RIT2: variants seen among roughly 807,000 people sequenced by gnomAD.
The protein encoded by RIT2 is GTP-binding protein Rit2.
RIT2 carries 24 observed loss-of-function variants against 23.7 expected under a neutral mutation model. The observed-to-expected ratio is 1.01, with a 90% confidence interval of 0.73 to 1.43. The LOEUF (loss-of-function observed/expected upper bound fraction) is 1.43. Among genes scored for constraint, RIT2 ranks in the 40% most tolerant of loss-of-function variants. The pLI, the probability that RIT2 is intolerant of heterozygous loss-of-function variation, is 0.00. For synonymous variants in RIT2, 107 were observed against 91.1 expected (o/e 1.17, Z -0.99); for missense variants, 236 against 266.9 (o/e 0.88, Z 0.81).
At chr18:42,934,472 G>A (rs1208006410) in intron 3 of RIT2, among the ~76,000 whole-genome samples, 2 of 152,152 alleles carry the variant, frequency 1.3e-5, no homozygotes, top group Non-Finnish European at 2.9e-5. Context: ...GAGATAATGA[G>A]GATATTTGAG....
intron 1 of RIT2, among the ~76,000 whole-genome samples, chr18:43,053,436 G>A (rs956254081): frequency 2.6e-5 from 4 of 151,908 alleles, no homozygotes; most frequent in African/African-American, 7.3e-5. Context: ...ACCCCTTCAA[G>A]CAGCAACATA....
At chr18:43,011,958 G>A (rs1368378152) in intron 2 of RIT2, among the ~76,000 whole-genome samples, 1 of 151,782 alleles carries the variant, frequency 6.6e-6, no homozygotes, top group African/African-American at 2.4e-5. Flanking sequence ...AATTGAATAT[G>A]GTAAGATATT....
intron 1 of RIT2, among the ~76,000 whole-genome samples, chr18:43,079,307 T>G (rs532335509): frequency 6.6e-6 from 1 of 152,294 alleles, no homozygotes; most frequent in African/African-American, 2.4e-5. Flanking sequence ...TTTGGTTTTG[T>G]ACTAATAAGA....
At chr18:42,870,229 C>A (rs73471631) in intron 4 of RIT2, among the ~76,000 whole-genome samples, 3,866 of 152,254 alleles carry the variant, frequency 0.025, 163 homozygotes, top group African/African-American at 0.086. Flanking sequence ...CTTCCTAATA[C>A]TAGACTCAGT....
intron 2 of RIT2, among the ~76,000 whole-genome samples, chr18:42,985,940 G>A (rs7407708): frequency 0.69 from 104,444 of 151,742 alleles, 37,372 homozygotes; most frequent in Non-Finnish European, 0.79. Context: ...ATTGTTCATC[G>A]AAAGTTTTTA....
At chr18:43,003,761 GACACACAC>G (rs56860348) in intron 2 of RIT2, among the ~76,000 whole-genome samples, 17,495 of 129,416 alleles carry the variant, frequency 0.14, 1,281 homozygotes, top group Admixed American at 0.15. Context: ...CCTCCTCAGT[GACACACAC>G]ACACACACAC....
chr18:42,829,034 A>G (rs571781494), intron 4 of RIT2, among the ~76,000 whole-genome samples: 2 of 152,264 alleles, frequency 1.3e-5, no homozygotes, highest in African/African-American at 4.8e-5. Context: ...ACTGTTGTCT[A>G]TGGGTAGTGG....
intron 2 of RIT2, among the ~76,000 whole-genome samples, chr18:42,980,736 C>T (rs975999996): frequency 4.6e-5 from 7 of 152,094 alleles, no homozygotes; most frequent in Admixed American, 1.3e-4. Context: ...TGTGGAGACA[C>T]AGAACCCTAC....
At position 43,078,862 on chromosome 18, in the gene RIT2, C is replaced by T. The variant is rs536247916; in HGVS notation, c.103+36555G>A. Among the ~76,000 whole-genome samples, 4 of 152,274 alleles carry T rather than the reference C, an allele frequency of 2.6e-5. No individual in the cohort carries two copies. In the South Asian group the frequency reaches 8.3e-4, roughly 32 times the overall value. ...TCAATCTTCTGTCCAAGGGCATCTACAGAGTCCAGAGGGCTAGTATACATC... is the reference window on the plus strand; with the variant it reads ...TCAATCTTCTGTCCAAGGGCATCTATAGAGTCCAGAGGGCTAGTATACATC... On this transcript the variant is annotated intron_variant, in intron 1 of 4. Transcript: ENST00000326695.
intron 4 of RIT2, among the ~76,000 whole-genome samples, chr18:42,803,548 G>C (rs1301430351): frequency 6.6e-6 from 1 of 152,172 alleles, no homozygotes; most frequent in Admixed American, 6.5e-5. Context: ...CAGCTTTCCT[G>C]TTAGTTTTCT....
chr18:42,890,030 G>A (rs544330234), intron 4 of RIT2, among the ~76,000 whole-genome samples: 74 of 151,936 alleles, frequency 4.9e-4, no homozygotes, highest in Middle Eastern at 3.4e-3. Flanking sequence ...ATATTTATAC[G>A]TTTAGGCAGT....
At chr18:43,014,324 A>C (rs1911420929) in intron 2 of RIT2, among the ~76,000 whole-genome samples, 1 of 151,756 alleles carries the variant, frequency 6.6e-6, no homozygotes, top group Admixed American at 6.6e-5. Context: ...GTATTGCTTA[A>C]GTGCAAAGAG....
chr18:42,887,268 A>G (rs2144088101), intron 4 of RIT2, among the ~76,000 whole-genome samples: 1 of 152,306 alleles, frequency 6.6e-6, no homozygotes, highest in South Asian at 2.1e-4. Context: ...TTATCAAGAG[A>G]GAAAGGAGTA....
At chr18:42,744,557 T>A (rs1567985715) in intron 4 of RIT2, among the ~76,000 whole-genome samples, 1 of 152,178 alleles carries the variant, frequency 6.6e-6, no homozygotes, top group Non-Finnish European at 1.5e-5. Context: ...TTTGCAAACT[T>A]GGTTAATTTT....
intron 4 of RIT2, among the ~76,000 whole-genome samples, chr18:42,898,233 C>G (rs1272479628): frequency 6.6e-6 from 1 of 152,042 alleles, no homozygotes; most frequent in Non-Finnish European, 1.5e-5. Flanking sequence ...AAAACCCCAC[C>G]TCTACTAAAA....
intron 4 of RIT2, among the ~76,000 whole-genome samples, chr18:42,837,241 C>T (rs1411498786): frequency 2.4e-5 from 3 of 124,630 alleles, no homozygotes; most frequent in African/African-American, 8.8e-5. Flanking sequence ...GATCTCAGCT[C>T]ACTGCAAACT....
intron 3 of RIT2, among the ~76,000 whole-genome samples, chr18:42,940,962 G>C (rs1649851516): frequency 1.3e-5 from 2 of 152,098 alleles, no homozygotes; most frequent in Admixed American, 1.3e-4. Context: ...ATAAACAAAG[G>C]TCCCATTTAT....
At chr18:42,919,333 C>A (rs1908994676) in intron 4 of RIT2, among the ~76,000 whole-genome samples, 1 of 152,108 alleles carries the variant, frequency 6.6e-6, no homozygotes, top group South Asian at 2.1e-4. Flanking sequence ...CTGTGGGAAG[C>A]AGAGTTTCAA....
At chr18:43,072,051 TCTC>T (rs1912910351) in intron 1 of RIT2, among the ~76,000 whole-genome samples, 1 of 152,130 alleles carries the variant, frequency 6.6e-6, no homozygotes, top group African/African-American at 2.4e-5. Flanking sequence ...AGTGGTGTGA[TCTC>T]AGCTCATTGC....
Sources: gnomAD v4.1 joint callset for allele counts (sites outside exome capture counted in the v4.1 genomes callset) on GRCh38, gnomAD v4.1.1 for gene constraint, MANE v1.5 for transcripts, NCBI Gene and HGNC (gene_info 2026-07-23, HGNC 2026-07-21) for gene names.